POU2F1: variants seen among roughly 807,000 people sequenced by gnomAD.
The protein encoded by POU2F1 is POU domain, class 2, transcription factor 1.
POU2F1 carries 16 observed loss-of-function variants against 84.9 expected under a neutral mutation model. That is an observed-to-expected ratio of 0.19 (90% CI 0.13 to 0.29). The LOEUF is 0.29. POU2F1 is among the 10% of genes least tolerant of loss of function. The pLI, the probability that POU2F1 is intolerant of heterozygous loss-of-function variation, is 1.00. For synonymous variants in POU2F1, 368 were observed against 368.3 expected (o/e 1.00, Z 0.01); for missense variants, 738 against 942.6 (o/e 0.78, Z 2.84).
intron 2 of POU2F1, among the ~76,000 whole-genome samples, chr1:167,345,110 G>A (rs533331468): frequency 2.6e-5 from 4 of 152,284 alleles, no homozygotes; most frequent in East Asian, 1.9e-4. Context: ...GCAAACCACC[G>A]TGGTACACGT....
chr1:167,273,950 A>G (rs1479175712), intron 1 of POU2F1, among the ~76,000 whole-genome samples: 2 of 152,262 alleles, frequency 1.3e-5, no homozygotes, highest in Non-Finnish European at 2.9e-5. Flanking sequence ...TTGAGCCTGA[A>G]CCAGGAGCAT....
chr1:167,250,600 G>A (rs890580584), intron 1 of POU2F1, among the ~76,000 whole-genome samples: 1 of 152,160 alleles, frequency 6.6e-6, no homozygotes, highest in African/African-American at 2.4e-5. Context: ...AATAACAAAG[G>A]TAGCAATATG....
At chr1:167,243,857 T>C (rs1650104487) in intron 1 of POU2F1, among the ~76,000 whole-genome samples, 1 of 152,210 alleles carries the variant, frequency 6.6e-6, no homozygotes, top group Non-Finnish European at 1.5e-5. Context: ...ATGACCACTA[T>C]CACAAACATA....
intron 1 of POU2F1, among the ~76,000 whole-genome samples, chr1:167,222,547 G>A (rs113730505): frequency 6.6e-6 from 1 of 152,078 alleles, no homozygotes; most frequent in Admixed American, 6.5e-5. Flanking sequence ...GGGAAGAGAG[G>A]GGGGAAGCTG....
At chr1:167,277,961 G>A (rs1013560093) in intron 1 of POU2F1, among the ~76,000 whole-genome samples, 7 of 152,058 alleles carry the variant, frequency 4.6e-5, no homozygotes, top group African/African-American at 1.7e-4. Context: ...CACAATAGTA[G>A]CCCTCCATAT....
At chr1:167,225,279 T>C (rs961797914) in intron 1 of POU2F1, among the ~76,000 whole-genome samples, 1 of 152,238 alleles carries the variant, frequency 6.6e-6, no homozygotes, top group Non-Finnish European at 1.5e-5. Context: ...ATTTTTAACC[T>C]CTTCCCTCAA....
intron 1 of POU2F1, among the ~76,000 whole-genome samples, chr1:167,290,857 G>A (rs764910190): frequency 9.2e-5 from 14 of 152,096 alleles, no homozygotes; most frequent in Non-Finnish European, 1.5e-4. Flanking sequence ...GCTAGTGAAC[G>A]TAGCCAGACC....
chr1:167,311,091 A>G (rs1273076500), intron 1 of POU2F1, among the ~76,000 whole-genome samples: 1 of 152,212 alleles, frequency 6.6e-6, no homozygotes, highest in African/African-American at 2.4e-5. Flanking sequence ...AAAACTCCCC[A>G]AATTTAGTAG....
chr1:167,392,321 C>A (rs1648479908), intron 9 of POU2F1, among the ~76,000 whole-genome samples: 1 of 148,478 alleles, frequency 6.7e-6, no homozygotes, highest in Non-Finnish European at 1.5e-5. Flanking sequence ...CACTGCACAC[C>A]AGCTTTGGGG....
intron 1 of POU2F1, among the ~76,000 whole-genome samples, chr1:167,221,196 C>A (rs1336245456): frequency 6.6e-6 from 1 of 151,590 alleles, no homozygotes; most frequent in Non-Finnish European, 1.5e-5. Flanking sequence ...CCACTGCCCT[C>A]CTCCTGCACC....
At chr1:167,243,448 G>A (rs1650061643) in intron 1 of POU2F1, among the ~76,000 whole-genome samples, 1 of 152,138 alleles carries the variant, frequency 6.6e-6, no homozygotes, top group African/African-American at 2.4e-5. Flanking sequence ...GAAAAAGTAA[G>A]TATGAACAGG....
chr1:167,384,665 C>G (rs529770028), intron 8 of POU2F1, among the ~76,000 whole-genome samples: 40 of 151,150 alleles, frequency 2.6e-4, no homozygotes, highest in African/African-American at 9.5e-4. Context: ...AGAACTCTTG[C>G]AAACTAGATA....
intron 1 of POU2F1, among the ~76,000 whole-genome samples, chr1:167,260,210 A>G (rs1246740316): frequency 6.6e-6 from 1 of 152,098 alleles, no homozygotes; most frequent in African/African-American, 2.4e-5. Context: ...GCCAGTTAAT[A>G]TATTTTGCTT....
intron 1 of POU2F1, among the ~76,000 whole-genome samples, chr1:167,240,117 A>G (rs146268337): frequency 6.6e-6 from 1 of 152,216 alleles, no homozygotes; most frequent in Non-Finnish European, 1.5e-5. Flanking sequence ...AATATATGGT[A>G]GAAAAGTATT....
intron 7 of POU2F1, 109 bp from the exon 8 acceptor site, chr1:167,383,748 A>G (rs1258911578): frequency 1.1e-6 from 1 of 873,788 alleles, no homozygotes; most frequent in East Asian, 2.6e-5. Context: ...CAGTAAGACT[A>G]CCAGAGATCA....
intron 2 of POU2F1, among the ~76,000 whole-genome samples, chr1:167,354,394 C>T (rs369516959): frequency 1.1e-3 from 164 of 152,244 alleles, no homozygotes; most frequent in African/African-American, 3.5e-3. Context: ...CGGGTTCAAG[C>T]AATTCTCCTG....
chr1:167,281,851 G>A (rs1344571212), intron 1 of POU2F1, among the ~76,000 whole-genome samples: 1 of 152,124 alleles, frequency 6.6e-6, no homozygotes, highest in Non-Finnish European at 1.5e-5. Flanking sequence ...TCTCTCAACG[G>A]TGCATCACAT....
chr1:167,389,613 C>T lies in POU2F1; in HGVS notation c.839C>T (p.Ala280Val), dbSNP rs1281481364. 1 of 1,614,042 alleles carries T rather than the reference C, an allele frequency of 6.2e-7. No individual in the cohort carries two copies. Among genetic ancestry groups the T allele is most frequent in the Non-Finnish European group, 8.5e-7 (1 of 1,180,038 alleles). The change falls in exon 9 of 16, where the codon GCA becomes GTA. Residue 280 changes from alanine (A) to valine (V), a missense_variant. By Grantham distance (64) the Ala-to-Val change is moderately conservative. Transcript: ENST00000367866. Reference protein sequence around the residue: ...SQPATPTRTIAATPIQTLPQS... With the variant: ...SQPATPTRTIVATPIQTLPQS... ...CCAGCAACCCCAACACGCACAATAG[C>T]AGCAACCCCAATTCAGACACTTCCA...
chr1:167,349,614 CTGAGAACTACTTAAGAGCAG>C, intron 2 of POU2F1, among the ~76,000 whole-genome samples: 1 of 152,124 alleles, frequency 6.6e-6, no homozygotes, highest in Non-Finnish European at 1.5e-5. Context: ...ATGAATAGGC[CTGAGAACTACTTAAGAGCAG>C]TGACTGTGGT....
Sources: allele counts gnomAD v4.1 joint callset (sites outside exome capture counted in the v4.1 genomes callset), GRCh38; gene constraint gnomAD v4.1.1; transcripts MANE v1.5; gene names NCBI Gene and HGNC (gene_info 2026-07-23, HGNC 2026-07-21).